WDPCP: variants seen among roughly 807,000 people sequenced by gnomAD.
WDPCP encodes the protein WD repeat containing planar cell polarity effector.
In WDPCP, 71 loss-of-function variants were observed where a neutral mutation model predicts 93.1. The observed-to-expected ratio is 0.76, with a 90% CI of 0.63 to 0.93. The LOEUF (loss-of-function observed/expected upper bound fraction) is 0.93, where lower values mean the gene tolerates loss of function less well. Among genes scored for constraint, WDPCP ranks in the 40% least tolerant of loss-of-function variants. The pLI is 0.00. For synonymous variants in WDPCP, 315 were observed against 315.0 expected, an observed-to-expected ratio of 1.00 and a Z score of 0.00; for missense variants, 844 against 887.4, an observed-to-expected ratio of 0.95 and a Z score of 0.62.
chr2:63,753,169 C>T (rs937092989), intron 2 of WDPCP, among the ~76,000 whole-genome samples: 3 of 152,166 alleles, frequency 2.0e-5, no homozygotes, highest in Middle Eastern at 3.4e-3. Context: ...CAGTGGCTCA[C>T]GCTTGTAATC....
At chr2:63,277,498 C>G (rs1275938966) in intron 13 of WDPCP, among the ~76,000 whole-genome samples, 1 of 152,182 alleles carries the variant, frequency 6.6e-6, no homozygotes, top group East Asian at 1.9e-4. Context: ...TTTCTCTTGT[C>G]TTCAGGAAAC....
intron 17 of WDPCP, among the ~76,000 whole-genome samples, chr2:63,140,090 T>C (rs796616032): frequency 2.0e-4 from 30 of 152,308 alleles, no homozygotes; most frequent in African/African-American, 5.8e-4. Context: ...CACTTTATGT[T>C]TTTGTTTGCT....
intron 12 of WDPCP, among the ~76,000 whole-genome samples, chr2:63,328,337 G>A (rs1038546769): frequency 2.2e-4 from 33 of 152,034 alleles, no homozygotes; most frequent in Admixed American, 1.7e-3. Flanking sequence ...TTGTTCTTTC[G>A]CTCTTCACAA....
At chr2:63,239,070 T>G (rs1220996630) in intron 14 of WDPCP, among the ~76,000 whole-genome samples, 1 of 152,228 alleles carries the variant, frequency 6.6e-6, no homozygotes, top group Non-Finnish European at 1.5e-5. Flanking sequence ...TGGAATACTT[T>G]GAGTTGCTGA....
chr2:63,299,090 G>A (rs1685124180), intron 13 of WDPCP, among the ~76,000 whole-genome samples: 1 of 152,176 alleles, frequency 6.6e-6, no homozygotes, highest in Admixed American at 6.5e-5. Flanking sequence ...TCCTCTGGAT[G>A]CATGGAGAAC....
chr2:63,768,874 C>G (rs116316547), intron 2 of WDPCP, among the ~76,000 whole-genome samples: 1,861 of 152,138 alleles, frequency 0.012, 16 homozygotes, highest in Non-Finnish European at 0.015. Flanking sequence ...GTACTTTCAA[C>G]AGTCAATGAT....
rs537476321 is a variant in WDPCP, at chr2:63,568,282, A to G, written c.75+19915T>C. Among the ~76,000 whole-genome samples the G allele has an allele frequency of 1.3e-4, 20 of 152,200 alleles. No homozygotes were observed. The South Asian group carries it at 4.1e-3, about 32-fold the overall frequency. The stretch of plus-strand genomic sequence containing the variant: ...AAAAGGAAACAAGTTTAAGAGTAAT[A>G]TAACTACTTTAGGTTAGAAAGAAGG... On this transcript the variant is annotated intron_variant, in intron 1 of 17. Transcript: ENST00000272321.
At chr2:63,134,822 G>C (rs945844672) in intron 17 of WDPCP, among the ~76,000 whole-genome samples, 14 of 152,106 alleles carry the variant, frequency 9.2e-5, no homozygotes, top group African/African-American at 3.4e-4. Context: ...ATTTAAATGT[G>C]TTTTTCAAAG....
intron 1 of WDPCP, among the ~76,000 whole-genome samples, chr2:63,539,738 C>T (rs998421291): frequency 6.6e-6 from 1 of 152,082 alleles, no homozygotes; most frequent in Non-Finnish European, 1.5e-5. Context: ...TATGTATCAA[C>T]TTAAGTTTTT....
upstream of WDPCP, among the ~76,000 whole-genome samples, chr2:63,592,741 T>C (rs979493943): frequency 6.6e-6 from 1 of 152,252 alleles, no homozygotes; most frequent in Non-Finnish European, 1.5e-5. Flanking sequence ...TCCATCTTTT[T>C]GATAGTTTTA....
At chr2:63,432,310 C>A (rs894560463) in intron 9 of WDPCP, among the ~76,000 whole-genome samples, 8 of 152,160 alleles carry the variant, frequency 5.3e-5, no homozygotes, top group Non-Finnish European at 8.8e-5. Flanking sequence ...TAAGTAGAAT[C>A]GATCACCACT....
intron 12 of WDPCP, among the ~76,000 whole-genome samples, chr2:63,362,258 CT>C (rs67493046): frequency 4.8e-4 from 45 of 93,242 alleles, no homozygotes; most frequent in Admixed American, 1.2e-3. Flanking sequence ...GGTAGAATCC[CT>C]TTTTTTTTTT....
chr2:63,386,766 C>G (rs1027267677), intron 10 of WDPCP, among the ~76,000 whole-genome samples: 5 of 151,886 alleles, frequency 3.3e-5, no homozygotes, highest in African/African-American at 7.2e-5. Context: ...TAGCGAAAAT[C>G]TGGAAACAAA....
intron 1 of WDPCP, among the ~76,000 whole-genome samples, chr2:63,515,306 C>A (rs7580247): frequency 6.6e-6 from 1 of 152,066 alleles, no homozygotes; most frequent in Non-Finnish European, 1.5e-5. Flanking sequence ...TTTAGACTTA[C>A]GTAAAGTGCC....
intron 14 of WDPCP, among the ~76,000 whole-genome samples, chr2:63,177,426 T>C (rs1673895101): frequency 6.6e-6 from 1 of 152,186 alleles, no homozygotes; most frequent in South Asian, 2.1e-4. Context: ...TCAGCAGTGT[T>C]TTCTAGTTTT....
intron 3 of WDPCP, 109 bp from the exon 4 acceptor site, chr2:63,486,695 C>A: frequency 1.1e-6 from 1 of 920,294 alleles, no homozygotes; most frequent in Non-Finnish European, 1.6e-6. Flanking sequence ...ATTAACATTA[C>A]ATGCATTATT....
intron 13 of WDPCP, among the ~76,000 whole-genome samples, chr2:63,306,530 A>C (rs572711573): frequency 6.6e-6 from 1 of 152,336 alleles, no homozygotes; most frequent in African/African-American, 2.4e-5. Context: ...CATATCAAAA[A>C]GCTTTGTCCA....
chr2:63,623,932 A>G (rs1277770437), intron 3 of WDPCP, among the ~76,000 whole-genome samples: 4 of 152,208 alleles, frequency 2.6e-5, no homozygotes, highest in Non-Finnish European at 4.4e-5. Flanking sequence ...ACATATGTGG[A>G]AGTGAAACAC....
At chr2:63,402,826 G>C (rs1694255750) in intron 10 of WDPCP, among the ~76,000 whole-genome samples, 1 of 152,208 alleles carries the variant, frequency 6.6e-6, no homozygotes, top group African/African-American at 2.4e-5. Context: ...TGCACTGTGA[G>C]GGGGGAGTGT....
Sources: allele counts gnomAD v4.1 joint callset (sites outside exome capture counted in the v4.1 genomes callset), GRCh38; gene constraint gnomAD v4.1.1; transcripts MANE v1.5; gene names NCBI Gene and HGNC (gene_info 2026-07-23, HGNC 2026-07-21).